Variants in NTN1 observed in about 807,000 individuals in gnomAD.
NTN1 encodes netrin 1, also known as netrin-1.
A neutral mutation model predicts 54.2 loss-of-function variants in NTN1; 11 were observed. That is an observed-to-expected ratio of 0.20 (90% CI 0.13 to 0.34). The LOEUF (loss-of-function observed/expected upper bound fraction) is 0.34. Among genes scored for constraint, NTN1 ranks in the 10% least tolerant of loss-of-function variants. The pLI is 1.00. For missense variants in NTN1, 740 were observed against 893.1 expected (o/e 0.83, Z 2.18); for synonymous variants, 371 against 382.0 (o/e 0.97, Z 0.33).
chr17:9,163,120 G>A (rs1405815563), intron 3 of NTN1, 119 bp downstream of exon 3: 23 of 904,506 alleles, frequency 2.5e-5, no homozygotes, highest in Non-Finnish European at 3.5e-5. Flanking sequence ...GTTGTCTGAG[G>A]TCATCTCTCT....
At chr17:9,124,945 A>G (rs1156676124) in intron 2 of NTN1, among the ~76,000 whole-genome samples, 1 of 152,134 alleles carries the variant, frequency 6.6e-6, no homozygotes, top group Non-Finnish European at 1.5e-5. Context: ...ATGTGTGTGC[A>G]TTTTACAGAG....
At chr17:9,092,828 A>G (rs1432111719) in intron 2 of NTN1, among the ~76,000 whole-genome samples, 4 of 151,654 alleles carry the variant, frequency 2.6e-5, no homozygotes, top group Non-Finnish European at 5.9e-5. Context: ...GTGCAATCTC[A>G]GCTCACTGCA....
chr17:9,220,612 A>C (rs1185912865), intron 5 of NTN1, among the ~76,000 whole-genome samples: 1 of 151,992 alleles, frequency 6.6e-6, no homozygotes, highest in Non-Finnish European at 1.5e-5. Context: ...GGCCCATTAG[A>C]ACTGAACTCG....
In NTN1 at chr17:9,114,166, A is replaced by AT. The variant is rs59456522; in HGVS notation, c.1019-48647_1019-48646insT. Among the ~76,000 whole-genome samples the AT allele has an allele frequency of 4.6e-3, 344 of 74,612 alleles. 8 individuals are homozygous for AT. Among genetic ancestry groups the AT allele is most frequent in the Admixed American group, 6.0e-3 (40 of 6,652 alleles). The allele number at this position is 74,612 out of a possible 152,430, so 48.9% of individuals were successfully genotyped here. On this transcript the variant is annotated intron_variant, in intron 2 of 6. Coordinates refer to ENST00000173229, the MANE Select transcript of NTN1 (RefSeq NM_004822.3). Reference sequence around the variant, plus strand: ...GCCAAAAAAAAAGAAAAAAAAAAAAAATATATATATATATATATATGATTC... The same window carrying AT: ...GCCAAAAAAAAAGAAAAAAAAAAAAATATATATATATATATATATATGATTC...
chr17:9,221,158 C>T lies in NTN1; in HGVS notation c.1412-10C>T. The T allele has an allele frequency of 1.3e-6, 2 of 1,575,944 alleles. No individual in the cohort carries two copies. The highest frequency in any genetic ancestry group is 1.1e-5 in the South Asian group (1 of 90,240). On this transcript the variant is annotated splice_polypyrimidine_tract_variant and intron_variant, in intron 5 of 6. Coordinates refer to ENST00000173229, the MANE Select transcript of NTN1 (RefSeq NM_004822.3). The surrounding 1 kb of genome is among the most constrained non-coding windows in gnomAD (Gnocchi z 4.5). Reference sequence around the variant, plus strand: ...GTTTTTGTCTGTGCTCCCCCCCCACCCCCCTGCAGACTGCGATTCCTACTG... The same window carrying T: ...GTTTTTGTCTGTGCTCCCCCCCCACTCCCCTGCAGACTGCGATTCCTACTG...
At chr17:9,121,675 G>C (rs1238450282) in intron 2 of NTN1, among the ~76,000 whole-genome samples, 1 of 152,128 alleles carries the variant, frequency 6.6e-6, no homozygotes, top group Non-Finnish European at 1.5e-5. Flanking sequence ...ACCCCACCGG[G>C]TCAGCTGGTC....
chr17:9,048,150 AC>A (rs2091946800), intron 2 of NTN1, among the ~76,000 whole-genome samples: 1 of 152,240 alleles, frequency 6.6e-6, no homozygotes, highest in African/African-American at 2.4e-5. Flanking sequence ...AACAATAAAA[AC>A]AAATAAAGGC....
At chr17:9,075,316 A>G (rs921439431) in intron 2 of NTN1, among the ~76,000 whole-genome samples, 4 of 152,062 alleles carry the variant, frequency 2.6e-5, no homozygotes, top group African/African-American at 7.2e-5. Flanking sequence ...CCCTGTCTCT[A>G]GTAAAAATAC....
intron 6 of NTN1, among the ~76,000 whole-genome samples, chr17:9,229,879 C>G (rs1905746379): frequency 6.6e-6 from 1 of 152,112 alleles, no homozygotes. Context: ...GACCGTAGCT[C>G]ACTATGGAGC....
intron 2 of NTN1, among the ~76,000 whole-genome samples, chr17:9,127,385 G>A (rs890647522): frequency 2.6e-5 from 4 of 152,110 alleles, no homozygotes; most frequent in Non-Finnish European, 5.9e-5. Context: ...GCAATGACCC[G>A]TGAGTCCTTC....
rs59456522 is a variant in NTN1, at chr17:9,114,166, A to ATAT, written c.1019-48647_1019-48646insTAT. ...GCCAAAAAAAAAGAAAAAAAAAAAA[A>ATAT]ATATATATATATATATATATGATTC... is the stretch of plus-strand genomic sequence containing the variant. On this transcript the variant is annotated intron_variant, in intron 2 of 6. Transcript: ENST00000173229. 3.2e-3 allele frequency among the ~76,000 whole-genome samples: 236 copies of ATAT among 74,582 alleles called. 4 individuals carry two copies. The highest frequency in any genetic ancestry group is 9.9e-3 in the African/African-American group (170 of 17,150). 48.9% of individuals were successfully genotyped at this position (74,582 alleles called of 152,430 possible). A position where few individuals can be genotyped will look rare whatever the true frequency, so the allele number is the denominator to read the frequency against.
At chr17:9,115,127 C>G (rs568357317) in intron 2 of NTN1, among the ~76,000 whole-genome samples, 54 of 152,320 alleles carry the variant, frequency 3.5e-4, no homozygotes, top group African/African-American at 1.2e-3. Flanking sequence ...GTGACAGCTC[C>G]CCTCTCCTTC....
At chr17:9,007,256 CTCTTT>C in the NTN1 span, among the ~76,000 whole-genome samples, 4 of 140,728 alleles carry the variant, frequency 2.8e-5, no homozygotes, top group African/African-American at 8.0e-5. Context: ...TTCCTTCCTT[CTCTTT>C]CTCTCTTTCT....
At chr17:9,181,351 C>G (rs540533632) in intron 4 of NTN1, among the ~76,000 whole-genome samples, 2 of 152,252 alleles carry the variant, frequency 1.3e-5, no homozygotes, top group African/African-American at 4.8e-5. Context: ...CATCCCAGAG[C>G]CAGGCTGACC....
At chr17:9,034,750 T>C (rs1356370294) in intron 2 of NTN1, among the ~76,000 whole-genome samples, 3 of 151,912 alleles carry the variant, frequency 2.0e-5, no homozygotes, top group Non-Finnish European at 2.9e-5. Context: ...ACTTCTTTAT[T>C]GTAGTGTAAC....
At chr17:9,098,236 A>G (rs949660952) in intron 2 of NTN1, among the ~76,000 whole-genome samples, 3 of 152,090 alleles carry the variant, frequency 2.0e-5, no homozygotes, top group Non-Finnish European at 4.4e-5. Context: ...CTGATGCGCC[A>G]TATTTGTTAC....
rs1029962881 is a variant in NTN1, at chr17:9,082,882, A to G, written c.1018+59491A>G. ...TTACCATGTCATAGATACTTATATTATCAGTGAGACTCAAGGGTTTTAGCT... is the reference window on the plus strand; with the variant it reads ...TTACCATGTCATAGATACTTATATTGTCAGTGAGACTCAAGGGTTTTAGCT... On this transcript the variant is annotated intron_variant, in intron 2 of 6. Coordinates refer to ENST00000173229, the MANE Select transcript of NTN1 (RefSeq NM_004822.3). Among the ~76,000 whole-genome samples the G allele has an allele frequency of 6.6e-5, 10 of 152,212 alleles. No homozygotes were observed. The South Asian group carries it at 1.9e-3, about 28-fold the overall frequency.
intron 5 of NTN1, among the ~76,000 whole-genome samples, chr17:9,194,150 C>T (rs946190354): frequency 5.9e-5 from 9 of 151,740 alleles, no homozygotes; most frequent in Admixed American, 5.2e-4. Flanking sequence ...GCAGGAGAAT[C>T]GCTTGAACCC....
intron 6 of NTN1, among the ~76,000 whole-genome samples, chr17:9,237,257 T>A (rs1415848160): frequency 6.6e-6 from 1 of 152,204 alleles, no homozygotes; most frequent in Non-Finnish European, 1.5e-5. Context: ...GGCTTGTAGA[T>A]GGCCACCTTC....
Sources: allele counts gnomAD v4.1 joint callset (sites outside exome capture counted in the v4.1 genomes callset), GRCh38; gene constraint gnomAD v4.1.1; non-coding constraint Gnocchi (gnomAD v3.1); transcripts MANE v1.5; gene names NCBI Gene and HGNC (gene_info 2026-07-23, HGNC 2026-07-21).